ANKFN1: variants seen among roughly 807,000 people sequenced by gnomAD.
ANKFN1 encodes the protein ankyrin repeat and fibronectin type-III domain-containing protein 1.
A neutral mutation model predicts 108.7 loss-of-function variants in ANKFN1; 74 were observed. The ratio of observed to expected loss-of-function variants is 0.68; its 90% CI spans 0.56 to 0.83. The LOEUF (loss-of-function observed/expected upper bound fraction) is 0.83, where lower values mean the gene tolerates loss of function less well. Among genes scored for constraint, ANKFN1 ranks in the 40% least tolerant of loss-of-function variants. The pLI is 0.00. For synonymous variants in ANKFN1, 547 were observed against 516.2 expected, an observed-to-expected ratio of 1.06 and a Z score of -0.81; for missense variants, 1,505 against 1,382.3, an observed-to-expected ratio of 1.09 and a Z score of -1.41.
At chr17:56,278,221 C>T (rs1414453236) in intron 3 of ANKFN1, among the ~76,000 whole-genome samples, 1 of 152,118 alleles carries the variant, frequency 6.6e-6, no homozygotes, top group Non-Finnish European at 1.5e-5. Context: ...ATCTCTCTTC[C>T]TTCTTAAAGG....
At position 56,511,360 on chromosome 17, in the gene ANKFN1, C is replaced by G. The variant is rs1450536734; in HGVS notation, c.*91C>G. ...CATCCTGCCCCACTGTGTACCCACT[C>G]ATTTTCAAGCGTTTTGAATGTTATA... On this transcript the variant is annotated 3_prime_UTR_variant, in exon 21 of 21. Transcript: ENST00000682825. 1.6e-6 allele frequency: 2 copies of G among 1,249,004 alleles called. No individual in the cohort carries two copies. The highest frequency in any genetic ancestry group is 2.2e-6 in the Non-Finnish European group (2 of 929,956). The allele number at this position is 1,249,004 out of a possible 1,614,324, so 77.4% of individuals were successfully genotyped here. A position where few individuals can be genotyped will look rare whatever the true frequency, so the allele number is the denominator to read the frequency against.
upstream of ANKFN1, among the ~76,000 whole-genome samples, chr17:56,152,733 A>T (rs528904700): frequency 1.3e-5 from 2 of 152,048 alleles, no homozygotes; most frequent in Non-Finnish European, 2.9e-5. Context: ...GTCCAATCAA[A>T]CTCTCCAAAC....
At chr17:56,220,779 T>G (rs1472179111) in intron 2 of ANKFN1, among the ~76,000 whole-genome samples, 208 of 49,396 alleles carry the variant, frequency 4.2e-3, no homozygotes, top group Non-Finnish European at 6.6e-3. Flanking sequence ...AGGGAGGAAG[T>G]CAGGAAGGAA....
At chr17:56,391,907 G>A (rs563628181) in intron 8 of ANKFN1, among the ~76,000 whole-genome samples, 60 of 152,238 alleles carry the variant, frequency 3.9e-4, no homozygotes, top group Non-Finnish European at 7.5e-4. Context: ...TAGGTACTCA[G>A]TTAATTAATG....
intron 2 of ANKFN1, among the ~76,000 whole-genome samples, chr17:56,227,601 C>G (rs1283009867): frequency 6.6e-6 from 1 of 152,110 alleles, no homozygotes; most frequent in Non-Finnish European, 1.5e-5. Flanking sequence ...GCCAGCCAGA[C>G]TTACCATGTT....
At chr17:56,351,647 T>C (rs1412284720) in intron 5 of ANKFN1, among the ~76,000 whole-genome samples, 1 of 152,150 alleles carries the variant, frequency 6.6e-6, no homozygotes, top group Non-Finnish European at 1.5e-5. Flanking sequence ...TCTCAGTCCA[T>C]CAGGAGGAAT....
intron 4 of ANKFN1, among the ~76,000 whole-genome samples, chr17:56,326,744 G>C (rs1298392111): frequency 6.6e-6 from 1 of 152,124 alleles, no homozygotes; most frequent in African/African-American, 2.4e-5. Context: ...ACACCTGTTG[G>C]GTCAGGTAAA....
At chr17:56,329,092 G>C in intron 4 of ANKFN1, among the ~76,000 whole-genome samples, 1 of 152,058 alleles carries the variant, frequency 6.6e-6, no homozygotes, top group Non-Finnish European at 1.5e-5. Context: ...CTCTAAAAAA[G>C]CAAATCTCAA....
chr17:56,317,010 A>C (rs1297626941), intron 3 of ANKFN1, among the ~76,000 whole-genome samples: 1 of 152,146 alleles, frequency 6.6e-6, no homozygotes, highest in Non-Finnish European at 1.5e-5. Context: ...ATTTCAGCAC[A>C]CTCTCTGGAA....
chr17:56,314,365 T>C (rs1327197217), intron 3 of ANKFN1, among the ~76,000 whole-genome samples: 1 of 152,202 alleles, frequency 6.6e-6, no homozygotes, highest in Non-Finnish European at 1.5e-5. Flanking sequence ...TCCAAAGGTA[T>C]ACCATTTTAT....
At chr17:56,200,807 C>A (rs1322130769) in intron 1 of ANKFN1, among the ~76,000 whole-genome samples, 2 of 152,216 alleles carry the variant, frequency 1.3e-5, no homozygotes, top group African/African-American at 2.4e-5. Flanking sequence ...CTTGATTCCT[C>A]TTTGATGAAG....
At chr17:56,244,373 C>T (rs563423741) in intron 3 of ANKFN1, among the ~76,000 whole-genome samples, 1 of 152,160 alleles carries the variant, frequency 6.6e-6, no homozygotes, top group South Asian at 2.1e-4. Flanking sequence ...CATAGCATTC[C>T]CTGTGTGCTG....
At chr17:56,264,047 C>T (rs1249814794) in intron 3 of ANKFN1, among the ~76,000 whole-genome samples, 1 of 152,158 alleles carries the variant, frequency 6.6e-6, no homozygotes, top group Non-Finnish European at 1.5e-5. Context: ...ACAGGTAATA[C>T]AGTACTGTAG....
intron 3 of ANKFN1, among the ~76,000 whole-genome samples, chr17:56,247,778 A>G (rs1366207394): frequency 2.0e-5 from 3 of 152,202 alleles, no homozygotes; most frequent in Non-Finnish European, 4.4e-5. Context: ...TATTAAAACT[A>G]AATAAAATTG....
At chr17:56,439,661 G>A (rs1259694434) in intron 8 of ANKFN1, among the ~76,000 whole-genome samples, 1 of 152,146 alleles carries the variant, frequency 6.6e-6, no homozygotes, top group South Asian at 2.1e-4. Context: ...AGTATATAAG[G>A]CATTAGGGGA....
chr17:56,336,660 A>C (rs1327245450), intron 4 of ANKFN1, among the ~76,000 whole-genome samples: 1 of 152,056 alleles, frequency 6.6e-6, no homozygotes, highest in Non-Finnish European at 1.5e-5. Context: ...TGATCTTTTC[A>C]AAAAACCAGT....
At chr17:56,258,371 A>T (rs1017903319) in intron 3 of ANKFN1, 2 of 152,162 alleles carry the variant, frequency 1.3e-5, no homozygotes, top group African/African-American at 2.4e-5. Context: ...GGTTGCTATG[A>T]TGCTATTTTT....
intron 3 of ANKFN1, among the ~76,000 whole-genome samples, chr17:56,310,467 A>C (rs1163558882): frequency 1.3e-5 from 2 of 152,058 alleles, no homozygotes; most frequent in African/African-American, 4.8e-5. Context: ...AATACAAAAA[A>C]TTAGCCAGAT....
chr17:56,134,261 G>T (rs1907462143), intron 4 of ANKFN1, among the ~76,000 whole-genome samples: 1 of 152,172 alleles, frequency 6.6e-6, no homozygotes, highest in South Asian at 2.1e-4. Context: ...GGTGTGCTGT[G>T]CTACTGGCAC....
Sources: gnomAD v4.1 joint callset for allele counts (sites outside exome capture counted in the v4.1 genomes callset) on GRCh38, gnomAD v4.1.1 for gene constraint, MANE v1.5 for transcripts, NCBI Gene and HGNC (gene_info 2026-07-23, HGNC 2026-07-21) for gene names.